The following TSEN2 variants were observed in gnomAD, a reference collection of about 807,000 sequenced individuals.
The protein encoded by TSEN2 is tRNA splicing endonuclease subunit 2.
Under a neutral mutation model 59.2 loss-of-function variants are expected in TSEN2, and 54 were observed. That is an observed-to-expected ratio of 0.91 (90% CI 0.73 to 1.14). TSEN2 has a LOEUF of 1.14. TSEN2 is among the 50% of genes most tolerant of loss of function. The pLI is 0.00. For synonymous variants in TSEN2, 195 were observed against 198.2 expected (o/e 0.98, Z 0.14); for missense variants, 636 against 576.2 (o/e 1.10, Z -1.06).
downstream of TSEN2, among the ~76,000 whole-genome samples, chr3:12,534,241 C>A (rs1369774983): frequency 6.6e-6 from 1 of 152,144 alleles, no homozygotes; most frequent in African/African-American, 2.4e-5. Context: ...CTGGTTATGC[C>A]TGTGATTTTG....
At chr3:12,521,137 C>A (rs1385641425) in intron 8 of TSEN2, among the ~76,000 whole-genome samples, 1 of 152,168 alleles carries the variant, frequency 6.6e-6, no homozygotes, top group Non-Finnish European at 1.5e-5. Context: ...TTTGTGGCTG[C>A]CTAGTATTCC....
chr3:12,511,317 T>G (rs1286943720), intron 6 of TSEN2: 1 of 151,994 alleles, frequency 6.6e-6, no homozygotes, highest in Non-Finnish European at 1.5e-5. Flanking sequence ...ATTAAAACAA[T>G]ATAGTCTTGG....
intron 8 of TSEN2, among the ~76,000 whole-genome samples, chr3:12,521,155 C>T (rs1337583024): frequency 6.6e-6 from 1 of 152,158 alleles, no homozygotes; most frequent in Non-Finnish European, 1.5e-5. Flanking sequence ...TCCACTGCAT[C>T]CCCCAATCTT....
downstream of TSEN2, among the ~76,000 whole-genome samples, chr3:12,534,727 C>T (rs536171918): frequency 1.8e-4 from 28 of 151,804 alleles, no homozygotes; most frequent in African/African-American, 6.3e-4. Context: ...TGGCATGAAC[C>T]CAGGAGGTGG....
chr3:12,481,915 G>GTGTGTC (rs1331056354), upstream of TSEN2, among the ~76,000 whole-genome samples: 1 of 105,328 alleles, frequency 9.5e-6, no homozygotes, highest in Non-Finnish European at 1.8e-5. Flanking sequence ...GTGTGTGTGT[G>GTGTGTC]TGTCTGCGTA....
At chr3:12,518,042 G>GT (rs1553599508) in intron 7 of TSEN2, among the ~76,000 whole-genome samples, 1 of 152,078 alleles carries the variant, frequency 6.6e-6, no homozygotes, top group Non-Finnish European at 1.5e-5. Flanking sequence ...AGACTTGATT[G>GT]TTTCAGTAAC....
At chr3:12,492,628 ATATT>A in intron 3 of TSEN2, among the ~76,000 whole-genome samples, 1 of 152,344 alleles carries the variant, frequency 6.6e-6, no homozygotes, top group East Asian at 1.9e-4. Context: ...ATGTTTTAGA[ATATT>A]TATCTAAGGA....
chr3:12,523,523 A>ATTT (rs1386382924), intron 8 of TSEN2, among the ~76,000 whole-genome samples: 1 of 51,026 alleles, frequency 2.0e-5, no homozygotes, highest in African/African-American at 8.4e-5. Context: ...TTCCTCTTTG[A>ATTT]TTCTTTTTTT....
intron 8 of TSEN2, among the ~76,000 whole-genome samples, chr3:12,525,854 C>T (rs915760686): frequency 3.9e-5 from 6 of 152,066 alleles, no homozygotes; most frequent in East Asian, 3.9e-4. Flanking sequence ...TGTGAGCCAC[C>T]GCGCCCGGTG....
intron 1 of TSEN2, among the ~76,000 whole-genome samples, chr3:12,489,195 G>T (rs895171161): frequency 5.9e-5 from 9 of 152,136 alleles, no homozygotes; most frequent in African/African-American, 1.9e-4. Flanking sequence ...GAAGCCAGTA[G>T]CATTTGGTAG....
At chr3:12,490,427 G>A (rs2053100545) in intron 2 of TSEN2, among the ~76,000 whole-genome samples, 1 of 152,156 alleles carries the variant, frequency 6.6e-6, no homozygotes. Flanking sequence ...TGGGGCTTTG[G>A]CATGGAGCTC....
At chr3:12,523,289 G>A (rs1276116667) in intron 8 of TSEN2, among the ~76,000 whole-genome samples, 1 of 152,128 alleles carries the variant, frequency 6.6e-6, no homozygotes, top group African/African-American at 2.4e-5. Context: ...TGCATTGACT[G>A]ATAAGTATGA....
chr3:12,530,522 T>G (rs947480484), intron 10 of TSEN2: 2 of 985,402 alleles, frequency 2.0e-6, no homozygotes, highest in Admixed American at 6.1e-5. Context: ...AAGCTGTGTG[T>G]GTTCTCATTA....
At chr3:12,483,858 A>AT (rs2052318736), upstream of TSEN2, among the ~76,000 whole-genome samples, 4 of 152,060 alleles carry the variant, frequency 2.6e-5, no homozygotes, top group South Asian at 8.3e-4. Flanking sequence ...CTGATGGCCC[A>AT]TTTTTCAGTA....
intron 3 of TSEN2, among the ~76,000 whole-genome samples, chr3:12,495,875 A>T (rs568955853): frequency 6.6e-6 from 1 of 152,264 alleles, no homozygotes; most frequent in East Asian, 1.9e-4. Context: ...GACTCCTCCC[A>T]CCTGATGCCC....
rs147239807 is a variant in TSEN2, at chr3:12,492,178, T to G, written c.232T>G (p.Phe78Val). 18 of 1,614,064 alleles carry G rather than the reference T, an allele frequency of 1.1e-5. No individual in the cohort carries two copies. Among genetic ancestry groups the G allele is most frequent in the Non-Finnish European group, 1.4e-5 (17 of 1,180,016 alleles). Residue 78 changes from phenylalanine to valine, a missense_variant, in exon 3 of 12, where the codon TTC (phenylalanine) becomes GTC (valine). Physicochemically the swap from Phe to Val is conservative, Grantham distance 50. Transcript: ENST00000284995. ...KGILSRSRPS[F>V]TISDPKLVAK... ...TATTCTTTCAAGAAGCCGTCCAAGC[T>G]TCACAATTTCAGATCCTAAACTGGT... is the stretch of plus-strand genomic sequence containing the variant.
intron 4 of TSEN2, among the ~76,000 whole-genome samples, chr3:12,501,216 T>C (rs1161519156): frequency 2.6e-5 from 4 of 152,200 alleles, no homozygotes; most frequent in South Asian, 2.1e-4. Context: ...GTTTTAAAAG[T>C]AATACATAAC....
At chr3:12,530,090 A>G (rs747243786) in intron 10 of TSEN2, 121 of 1,410,934 alleles carry the variant, frequency 8.6e-5, no homozygotes, top group Non-Finnish European at 1.0e-4. Flanking sequence ...CTCCCTCCCA[A>G]CTGCTGCTGA....
At chr3:12,538,319 G>C (rs561882254), downstream of TSEN2, among the ~76,000 whole-genome samples, 1 of 152,350 alleles carries the variant, frequency 6.6e-6, no homozygotes, top group South Asian at 2.1e-4. Flanking sequence ...GCTCCCGAAA[G>C]AGGGTGTGAA....
Sources: allele counts gnomAD v4.1 joint callset (sites outside exome capture counted in the v4.1 genomes callset), GRCh38; gene constraint gnomAD v4.1.1; transcripts MANE v1.5; gene names NCBI Gene and HGNC (gene_info 2026-07-23, HGNC 2026-07-21).